EPB41L3: variants seen among roughly 807,000 people sequenced by gnomAD.
EPB41L3 encodes band 4.1-like protein 3.
In EPB41L3, 57 loss-of-function variants were observed where a neutral mutation model predicts 127.1. The ratio of observed to expected loss-of-function variants is 0.45; its 90% confidence interval spans 0.36 to 0.56. The LOEUF (loss-of-function observed/expected upper bound fraction) is 0.56. EPB41L3 is among the 20% of genes least tolerant of loss of function. EPB41L3 has a pLI of 0.00. For synonymous variants in EPB41L3, 572 were observed against 549.5 expected (o/e 1.04, Z -0.57); for missense variants, 1,273 against 1,372.2 (o/e 0.93, Z 1.14).
intron 1 of EPB41L3, among the ~76,000 whole-genome samples, chr18:5,495,440 C>T (rs1174493178): frequency 6.7e-6 from 1 of 149,792 alleles, no homozygotes; most frequent in African/African-American, 2.5e-5. Flanking sequence ...AGTAAGGCCA[C>T]AGGCCCCAGT....
chr18:5,469,860 GC>G (rs997241875), intron 3 of EPB41L3, among the ~76,000 whole-genome samples: 2 of 149,590 alleles, frequency 1.3e-5, no homozygotes, highest in Non-Finnish European at 3.0e-5. Flanking sequence ...TGCAACCTCT[GC>G]CTCCCGGGTC....
chr18:5,604,761 C>T (rs904985463), intron 3 of EPB41L3, among the ~76,000 whole-genome samples: 1 of 152,074 alleles, frequency 6.6e-6, no homozygotes, highest in African/African-American at 2.4e-5. Context: ...GCCTTAAAAA[C>T]CATTTCTATT....
At chr18:5,492,740 T>C (rs1202879097) in intron 1 of EPB41L3, among the ~76,000 whole-genome samples, 2 of 152,228 alleles carry the variant, frequency 1.3e-5, no homozygotes, top group Non-Finnish European at 2.9e-5. Context: ...AATTGTGTTT[T>C]GCTCAGGCTT....
intron 3 of EPB41L3, among the ~76,000 whole-genome samples, chr18:5,578,300 G>A (rs1357373040): frequency 1.3e-5 from 2 of 152,116 alleles, no homozygotes; most frequent in African/African-American, 4.8e-5. Context: ...TCAAGAAATT[G>A]TTACTGTTAG....
intron 2 of EPB41L3, among the ~76,000 whole-genome samples, chr18:5,482,444 A>G (rs1306279869): frequency 6.6e-6 from 1 of 152,228 alleles, no homozygotes; most frequent in Non-Finnish European, 1.5e-5. Context: ...AAGCATATTC[A>G]AAGAAATAAT....
intron 3 of EPB41L3, among the ~76,000 whole-genome samples, chr18:5,453,692 A>G (rs1049967678): frequency 2.0e-5 from 3 of 152,122 alleles, no homozygotes; most frequent in African/African-American, 7.2e-5. Context: ...TTTGGAAGTT[A>G]TATTTCTTCA....
chr18:5,546,049 A>T (rs2093876255), upstream of EPB41L3, among the ~76,000 whole-genome samples: 1 of 152,200 alleles, frequency 6.6e-6, no homozygotes, highest in African/African-American at 2.4e-5. Context: ...ATTATCATTC[A>T]AGACACAGAT....
Position 5,433,805 on chromosome 18 carries a change from C to T in EPB41L3, c.824+98G>A, listed in dbSNP as rs113588805. On this transcript the variant is annotated intron_variant, in intron 7 of 22. Transcript: ENST00000341928. Reference sequence around the variant, plus strand: ...GACCCACACTATGCTCACGTCTCGCCGTTAATGGACTGAAATCAGTACTGG... The same window carrying T: ...GACCCACACTATGCTCACGTCTCGCTGTTAATGGACTGAAATCAGTACTGG... 89 of 1,342,566 alleles carry T rather than the reference C, an allele frequency of 6.6e-5. No homozygotes were observed. The African/African-American group carries it at 8.5e-4, about 13-fold the overall frequency. 83.2% of individuals were successfully genotyped at this position (1,342,566 alleles called of 1,614,324 possible). A position where few individuals can be genotyped will look rare whatever the true frequency, so the allele number is the denominator to read the frequency against.
intron 3 of EPB41L3, among the ~76,000 whole-genome samples, chr18:5,446,081 T>C (rs1464356376): frequency 2.0e-5 from 3 of 152,174 alleles, no homozygotes; most frequent in East Asian, 1.9e-4. Flanking sequence ...TTAAAACCTA[T>C]CCCAAATCCT....
chr18:5,598,016 A>G (rs535365616), intron 3 of EPB41L3, among the ~76,000 whole-genome samples: 1 of 152,296 alleles, frequency 6.6e-6, no homozygotes, highest in East Asian at 1.9e-4. Flanking sequence ...TCAAAGATGA[A>G]GTAACTTCTC....
intron 1 of EPB41L3, among the ~76,000 whole-genome samples, chr18:5,625,712 G>C (rs141258130): frequency 6.6e-6 from 1 of 152,262 alleles, no homozygotes; most frequent in African/African-American, 2.4e-5. Flanking sequence ...TCACCTAAAA[G>C]CCAGGTCATA....
chr18:5,449,590 A>C (rs115650876), intron 3 of EPB41L3, among the ~76,000 whole-genome samples: 107 of 152,346 alleles, frequency 7.0e-4, no homozygotes, highest in African/African-American at 2.5e-3. Flanking sequence ...GTTCTTCTTT[A>C]TGTGAATGAA....
chr18:5,593,906 A>C (rs1447194509), intron 3 of EPB41L3, among the ~76,000 whole-genome samples: 4 of 152,214 alleles, frequency 2.6e-5, no homozygotes, highest in African/African-American at 4.8e-5. Context: ...TCAGAGTTTA[A>C]GGTGATCTCT....
At chr18:5,415,502 T>C (rs17466432) in intron 13 of EPB41L3, among the ~76,000 whole-genome samples, 4,991 of 152,322 alleles carry the variant, frequency 0.033, 115 homozygotes, top group Admixed American at 0.056. Flanking sequence ...GATCAGAACC[T>C]TTAGCTTAGC....
intron 1 of EPB41L3, among the ~76,000 whole-genome samples, chr18:5,617,257 T>C (rs578042659): frequency 2.6e-5 from 4 of 152,112 alleles, no homozygotes; most frequent in Non-Finnish European, 4.4e-5. Context: ...TAAATGAATA[T>C]CAAACTGAAG....
chr18:5,529,463 C>T (rs1285394653), intron 1 of EPB41L3, among the ~76,000 whole-genome samples: 1 of 152,102 alleles, frequency 6.6e-6, no homozygotes, highest in Non-Finnish European at 1.5e-5. Context: ...CTTCCACCCT[C>T]AGAACACAGG....
At chr18:5,576,221 T>C (rs2094335496) in intron 3 of EPB41L3, among the ~76,000 whole-genome samples, 1 of 152,204 alleles carries the variant, frequency 6.6e-6, no homozygotes, top group African/African-American at 2.4e-5. Flanking sequence ...GAAAATGTAA[T>C]ATGCTATAAA....
chr18:5,605,014 C>G (rs962605910), intron 3 of EPB41L3, among the ~76,000 whole-genome samples: 7 of 152,096 alleles, frequency 4.6e-5, no homozygotes, highest in African/African-American at 1.4e-4. Context: ...TTGCCTCTGC[C>G]GAAGACAACT....
chr18:5,560,311 T>A (rs1568572921), intron 3 of EPB41L3, among the ~76,000 whole-genome samples: 1 of 152,194 alleles, frequency 6.6e-6, no homozygotes, highest in East Asian at 1.9e-4. Context: ...AGAACAGCCA[T>A]AATTGACACT....
Sources: allele counts gnomAD v4.1 joint callset (sites outside exome capture counted in the v4.1 genomes callset), GRCh38; gene constraint gnomAD v4.1.1; transcripts MANE v1.5; gene names NCBI Gene and HGNC (gene_info 2026-07-23, HGNC 2026-07-21).